LILRA2: variants seen among roughly 807,000 people sequenced by gnomAD.
The protein encoded by LILRA2 is leukocyte immunoglobulin-like receptor subfamily A member 2.
Under a neutral mutation model 47.9 loss-of-function variants are expected in LILRA2, and 45 were observed. The ratio of observed to expected loss-of-function variants is 0.94; its 90% CI spans 0.74 to 1.20. LILRA2 has a LOEUF of 1.20. Among genes scored for constraint, LILRA2 ranks in the 50% most tolerant of loss-of-function variants. The pLI is 0.00. For missense variants in LILRA2, 651 were observed against 598.2 expected, an observed-to-expected ratio of 1.09 and a Z score of -0.92; for synonymous variants, 279 against 249.2, an observed-to-expected ratio of 1.12 and a Z score of -1.13.
chr19:54,578,582 T>G (rs887921377), intron 6 of LILRA2, among the ~76,000 whole-genome samples: 1 of 152,242 alleles, frequency 6.6e-6, no homozygotes, highest in South Asian at 2.1e-4. Flanking sequence ...ACAGTAAACA[T>G]ATGTGTGCAT....
chr19:54,584,928 T>A, intron 6 of LILRA2, among the ~76,000 whole-genome samples: 1 of 152,212 alleles, frequency 6.6e-6, no homozygotes, highest in Non-Finnish European at 1.5e-5. Flanking sequence ...CCTTTGGTCT[T>A]TGATGTTGGT....
At chr19:54,578,758 A>G (rs1373056081) in intron 6 of LILRA2, among the ~76,000 whole-genome samples, 1 of 152,094 alleles carries the variant, frequency 6.6e-6, no homozygotes, top group East Asian at 1.9e-4. Context: ...AAGCGTTCCT[A>G]TTTTTCCACA....
intron 6 of LILRA2, among the ~76,000 whole-genome samples, chr19:54,581,595 G>C (rs1206417156): frequency 6.6e-6 from 1 of 150,720 alleles, no homozygotes; most frequent in Non-Finnish European, 1.5e-5. Flanking sequence ...ATGCTGTTTT[G>C]GTTACTGTAG....
intron 6 of LILRA2, among the ~76,000 whole-genome samples, chr19:54,584,300 T>G (rs924519521): frequency 3.3e-5 from 5 of 152,202 alleles, no homozygotes; most frequent in Non-Finnish European, 7.3e-5. Flanking sequence ...CTGTATTTCC[T>G]GAATTTGAAT....
In LILRA2 at chr19:54,587,605, A is replaced by T; in HGVS notation, c.*259A>T. The T allele has an allele frequency of 1.7e-6, 1 of 602,926 alleles. No individual in the cohort carries two copies. The highest frequency in any genetic ancestry group is 2.8e-6 in the Non-Finnish European group (1 of 355,330). 37.3% of individuals were successfully genotyped at this position (602,926 alleles called of 1,614,324 possible). A position where few individuals can be genotyped will look rare whatever the true frequency, so the allele number is the denominator to read the frequency against. ...GATCCCCTTTTTTTCCCATCCCCAGACATGAGGCTCCATCCCACATGGCAC... is the reference window on the plus strand; with the variant it reads ...GATCCCCTTTTTTTCCCATCCCCAGTCATGAGGCTCCATCCCACATGGCAC... On this transcript the variant is annotated 3_prime_UTR_variant, in exon 8 of 8. Transcript: ENST00000391738.
rs1233503141 is a variant in LILRA2, at chr19:54,589,925, C to G, written c.*2579C>G. 6.6e-6 allele frequency: 1 copy of G among 152,220 alleles called. No homozygotes were observed. Among genetic ancestry groups the G allele is most frequent in the Non-Finnish European group, 1.5e-5 (1 of 68,042 alleles). The allele number at this position is 152,220 out of a possible 1,614,324, so 9.4% of individuals were successfully genotyped here. ...ACTTTTCAGTCCTGGGAAACTCAGT[C>G]CCAATGTGCTTGTCATTCATTTGAG... On this transcript the variant is annotated 3_prime_UTR_variant, in exon 8 of 8. Coordinates refer to ENST00000391738, the MANE Select transcript of LILRA2 (RefSeq NM_001130917.3).
At position 54,580,205 on chromosome 19, in the gene LILRA2, T is replaced by TC. The variant is rs1309787492; in HGVS notation, c.1255+4096_1255+4097insC. On this transcript the variant is annotated intron_variant, in intron 6 of 7. Transcript: ENST00000391738. ...TGTGCCGGTTTTCTTTTCTTTTTTT[T>TC]TTTTTTTTATTATACTCTAAGTTTT... Among the ~76,000 whole-genome samples the TC allele has an allele frequency of 2.2e-3, 308 of 143,136 alleles. 8 individuals are homozygous for TC. Among genetic ancestry groups the TC allele is most frequent in the African/African-American group, 7.8e-3 (278 of 35,530 alleles). 93.9% of individuals were successfully genotyped at this position (143,136 alleles called of 152,430 possible). A position where few individuals can be genotyped will look rare whatever the true frequency, so the allele number is the denominator to read the frequency against.
chr19:54,577,336 G>C lies in LILRA2; in HGVS notation c.1255+1227G>C, dbSNP rs2062494775. ...GAAGGAGAACAGGCTGGGTGGGGAG[G>C]ATTTGGGGTCCAGGCCTGACTTGGA... On this transcript the variant is annotated intron_variant, in intron 6 of 7. Coordinates refer to ENST00000391738, the MANE Select transcript of LILRA2 (RefSeq NM_001130917.3). 5 of 625,410 alleles carry C rather than the reference G, an allele frequency of 8.0e-6. No homozygotes were observed. In the South Asian group the frequency reaches 9.6e-5, roughly 12 times the overall value. The allele number at this position is 625,410 out of a possible 1,614,324, so 38.7% of individuals were successfully genotyped here.
At chr19:54,575,665 C>CAG (rs917116502) in intron 5 of LILRA2, 113 bp downstream of exon 5, 42 of 1,522,524 alleles carry the variant, frequency 2.8e-5, no homozygotes, top group East Asian at 9.2e-5. Flanking sequence ...GAGGGAGAGA[C>CAG]AGAGAGAGAC....
Position 54,587,626 on chromosome 19 carries a change from G to A in LILRA2, c.*280G>A, listed in dbSNP as rs139105406. 8.1e-3 allele frequency: 4,278 copies of A among 530,674 alleles called. No individual in the cohort carries two copies. Among genetic ancestry groups the A allele is most frequent in the South Asian group, 0.071 (3,081 of 43,614 alleles). 32.9% of individuals were successfully genotyped at this position (530,674 alleles called of 1,614,324 possible). A position where few individuals can be genotyped will look rare whatever the true frequency, so the allele number is the denominator to read the frequency against. ...CCAGACATGAGGCTCCATCCCACAT[G>A]GCACCGTTGGGTCCACACCTCCACA... On this transcript the variant is annotated 3_prime_UTR_variant, in exon 8 of 8. Transcript: ENST00000391738.
Position 54,587,360 on chromosome 19 carries a change from C to A in LILRA2, c.*14C>A, listed in dbSNP as rs1275809343. ...GCCGGGAGGTGAACAGCAGAGAGGA[C>A]AATGCATCCTTCAGCGTGGTGGAGC... is the stretch of plus-strand genomic sequence containing the variant. On this transcript the variant is annotated 3_prime_UTR_variant, in exon 8 of 8. Coordinates refer to ENST00000391738, the MANE Select transcript of LILRA2 (RefSeq NM_001130917.3). The A allele has an allele frequency of 6.2e-7, 1 of 1,614,098 alleles. No homozygotes were observed. The highest frequency in any genetic ancestry group is 1.3e-5 in the African/African-American group (1 of 75,018).
Position 54,587,363 on chromosome 19 carries a change from T to C in LILRA2, c.*17T>C. The C allele has an allele frequency of 6.2e-7, 1 of 1,614,028 alleles. No homozygotes were observed. Among genetic ancestry groups the C allele is most frequent in the East Asian group, 2.2e-5 (1 of 44,884 alleles). ...GGGAGGTGAACAGCAGAGAGGACAA[T>C]GCATCCTTCAGCGTGGTGGAGCCTC... is the stretch of plus-strand genomic sequence containing the variant. On this transcript the variant is annotated 3_prime_UTR_variant, in exon 8 of 8. Transcript: ENST00000391738.
chr19:54,577,957 A>G (rs1467995703), intron 6 of LILRA2, among the ~76,000 whole-genome samples: 2 of 152,014 alleles, frequency 1.3e-5, no homozygotes, highest in African/African-American at 2.4e-5. Flanking sequence ...CAAATTTCTC[A>G]TTAATATCAA....
Position 54,582,027 on chromosome 19 carries a change from G to A in LILRA2, c.1256-4983G>A, listed in dbSNP as rs140852442. Among the ~76,000 whole-genome samples the A allele has an allele frequency of 8.2e-3, 1,244 of 152,262 alleles. 14 individuals carry two copies. Among genetic ancestry groups the A allele is most frequent in the African/African-American group, 0.028 (1,179 of 41,538 alleles). Reference sequence around the variant, plus strand: ...CAAAGGCCCTTTCTGCATCTATTAAGATAATCATGTGGTTTTTGTCATTGG... The same window carrying A: ...CAAAGGCCCTTTCTGCATCTATTAAAATAATCATGTGGTTTTTGTCATTGG... On this transcript the variant is annotated intron_variant, in intron 6 of 7. Transcript: ENST00000391738.
Position 54,573,878 on chromosome 19 carries a change from C to A in LILRA2, c.-1C>A. ...AGAGCAGGGCAGTGGGAGGAGACGC[C>A]ATGACCCCCATCCTCACGGTCCTGA... On this transcript the variant is annotated 5_prime_UTR_variant, in exon 1 of 8. Transcript: ENST00000391738. 1 of 1,590,228 alleles carries A rather than the reference C, an allele frequency of 6.3e-7. No homozygotes were observed.
intron 6 of LILRA2, among the ~76,000 whole-genome samples, chr19:54,582,508 G>T (rs937289354): frequency 6.6e-6 from 1 of 152,122 alleles, no homozygotes; most frequent in Non-Finnish European, 1.5e-5. Context: ...TCTTGGGAGG[G>T]TGTATGTGTC....
intron 6 of LILRA2, among the ~76,000 whole-genome samples, chr19:54,583,343 T>C (rs1414735104): frequency 2.6e-5 from 4 of 152,212 alleles, no homozygotes; most frequent in Middle Eastern, 3.2e-3. Flanking sequence ...GTTAACCTTA[T>C]GTGTCATTGA....
chr19:54,574,018 A>C, intron 1 of LILRA2, 58 bp from the exon 2 acceptor site: 1 of 1,614,158 alleles, frequency 6.2e-7, no homozygotes, highest in Non-Finnish European at 8.5e-7. Flanking sequence ...GATCCCAGGG[A>C]GGGGAGGACC....
At chr19:54,578,701 G>A (rs2062552583) in intron 6 of LILRA2, among the ~76,000 whole-genome samples, 1 of 152,220 alleles carries the variant, frequency 6.6e-6, no homozygotes, top group Non-Finnish European at 1.5e-5. Context: ...TCGTCACACT[G>A]TCTTCCACAA....
Sources: allele counts gnomAD v4.1 joint callset (sites outside exome capture counted in the v4.1 genomes callset), GRCh38; gene constraint gnomAD v4.1.1; transcripts MANE v1.5; gene names NCBI Gene and HGNC (gene_info 2026-07-23, HGNC 2026-07-21).